Variants in ANO1 observed in about 807,000 individuals in gnomAD.
The protein encoded by ANO1 is anoctamin-1.
Under a neutral mutation model 124.0 loss-of-function variants are expected in ANO1, and 59 were observed. The ratio of observed to expected loss-of-function variants is 0.48; its 90% CI spans 0.39 to 0.59. The LOEUF (loss-of-function observed/expected upper bound fraction) is 0.59, where lower values mean the gene tolerates loss of function less well. Among genes scored for constraint, ANO1 ranks in the 20% least tolerant of loss-of-function variants. The pLI, the probability that ANO1 is intolerant of heterozygous loss-of-function variation, is 0.00. For synonymous variants in ANO1, 529 were observed against 532.0 expected (o/e 0.99, Z 0.08); for missense variants, 1,059 against 1,328.0 (o/e 0.80, Z 3.15).
At chr11:70,184,622 G>T (rs1184952658) in intron 24 of ANO1, among the ~76,000 whole-genome samples, 3 of 152,268 alleles carry the variant, frequency 2.0e-5, no homozygotes, top group Non-Finnish European at 4.4e-5. Context: ...CAGGCCGGCT[G>T]CCTGACACGC....
At chr11:70,012,648 C>T (rs1348824603) in intron 1 of ANO1, among the ~76,000 whole-genome samples, 1 of 151,492 alleles carries the variant, frequency 6.6e-6, no homozygotes, top group Non-Finnish European at 1.5e-5. Flanking sequence ...TCCATTGTTC[C>T]ATCTATCTAT....
At chr11:70,036,618 G>GT (rs1342821643) in intron 1 of ANO1, among the ~76,000 whole-genome samples, 6 of 151,938 alleles carry the variant, frequency 3.9e-5, no homozygotes, top group Admixed American at 6.6e-5. Context: ...GTTTTGTTTT[G>GT]TTTTTTTAAG....
chr11:70,144,922 G>C (rs73530028), intron 11 of ANO1, among the ~76,000 whole-genome samples: 5,802 of 152,310 alleles, frequency 0.038, 366 homozygotes, highest in African/African-American at 0.13. Context: ...TGCGTGGAGG[G>C]GGCCGGGGCA....
chr11:70,089,990 G>GGTTT (rs72163864), intron 2 of ANO1, among the ~76,000 whole-genome samples: 24 of 4,842 alleles, frequency 5.0e-3, no homozygotes, highest in African/African-American at 5.9e-3. Flanking sequence ...TGTTCCCCAG[G>GGTTT]GTTTGTTTGT....
In ANO1 at chr11:70,161,193, C is replaced by A; in HGVS notation, c.1611C>A (p.Val537=). The change falls in exon 17 of 26, where the codon GTC becomes GTA. Residue 537 remains valine (V), a synonymous_variant. Coordinates refer to ENST00000355303, the MANE Select transcript of ANO1 (RefSeq NM_018043.7). ...IAVTFAIVLG[V]IIYRISMAAA... is the part of the protein sequence containing the mutation. The stretch of plus-strand genomic sequence containing the variant: ...TGACGTTTGCCATCGTCCTCGGCGT[C>A]ATCATCTACAGAATCTCCATGGCCG... 1 of 1,613,892 alleles carries A rather than the reference C, an allele frequency of 6.2e-7. No individual in the cohort carries two copies. Among genetic ancestry groups the A allele is most frequent in the Non-Finnish European group, 8.5e-7 (1 of 1,179,824 alleles).
intron 21 of ANO1, among the ~76,000 whole-genome samples, 163 bp from the exon 22 acceptor site, chr11:70,170,724 C>T (rs540417224): frequency 8.5e-4 from 129 of 152,308 alleles, no homozygotes; most frequent in African/African-American, 2.9e-3. Context: ...AGGGTCCATC[C>T]CAAGAGCTCA....
chr11:70,129,650 G>A (rs1486927826), intron 10 of ANO1: 1 of 147,680 alleles, frequency 6.8e-6, no homozygotes, highest in African/African-American at 2.5e-5. Context: ...TTGACACAGA[G>A]TCTCACTCTG....
intron 1 of ANO1, among the ~76,000 whole-genome samples, chr11:70,032,570 C>A (rs1477064749): frequency 6.6e-6 from 1 of 151,496 alleles, no homozygotes; most frequent in African/African-American, 2.4e-5. Flanking sequence ...ATCCGCAGAA[C>A]CCACTGTGAA....
chr11:70,110,682 C>T (rs980926473), intron 6 of ANO1, among the ~76,000 whole-genome samples: 3 of 152,126 alleles, frequency 2.0e-5, no homozygotes, highest in Non-Finnish European at 2.9e-5. Context: ...GAGGGTGGTC[C>T]GCCCAGGCTG....
At chr11:70,175,351 G>T in intron 22 of ANO1, among the ~76,000 whole-genome samples, 1 of 152,362 alleles carries the variant, frequency 6.6e-6, no homozygotes, top group Middle Eastern at 3.4e-3. Flanking sequence ...TTCCTTAACC[G>T]TAACCTTTCC....
chr11:70,147,307 C>T (rs1410887226), intron 11 of ANO1, among the ~76,000 whole-genome samples: 1 of 152,188 alleles, frequency 6.6e-6, no homozygotes, highest in South Asian at 2.1e-4. Context: ...GGCCAAAGGA[C>T]ATCTTCAAGG....
chr11:69,970,903 G>A, the ANO1 span, among the ~76,000 whole-genome samples: 57 of 152,212 alleles, frequency 3.7e-4, no homozygotes, highest in African/African-American at 1.3e-3. Context: ...TCACATATGC[G>A]TTCCAGCCAG....
intron 24 of ANO1, 140 bp downstream of exon 24, chr11:70,182,826 A>G: frequency 1.1e-6 from 1 of 897,384 alleles, no homozygotes; most frequent in Non-Finnish European, 1.6e-6. Flanking sequence ...GAAAAAAAAA[A>G]AGGCTGGTGC....
chr11:70,172,380 AT>A (rs1433196666), intron 22 of ANO1, among the ~76,000 whole-genome samples: 2 of 152,186 alleles, frequency 1.3e-5, no homozygotes, highest in Non-Finnish European at 2.9e-5. Flanking sequence ...TGAAAACAAA[AT>A]TACAAAAATA....
At chr11:69,983,817 T>A (rs1855978373), upstream of ANO1, among the ~76,000 whole-genome samples, 1 of 152,216 alleles carries the variant, frequency 6.6e-6, no homozygotes, top group Non-Finnish European at 1.5e-5. Flanking sequence ...GCAACTTAAT[T>A]GGAGCCAAGA....
At chr11:69,968,602 G>A in the ANO1 span, among the ~76,000 whole-genome samples, 3 of 152,210 alleles carry the variant, frequency 2.0e-5, no homozygotes, top group Non-Finnish European at 2.9e-5. Flanking sequence ...TCGAGGACCC[G>A]TTTCTTCCTC....
chr11:69,972,182 G>T, the ANO1 span, among the ~76,000 whole-genome samples: 1 of 90,092 alleles, frequency 1.1e-5, no homozygotes, highest in Non-Finnish European at 2.1e-5. Flanking sequence ...GCAAGACTCC[G>T]TCTCAAAAAA....
chr11:70,143,544 A>G (rs1330419632), intron 11 of ANO1, among the ~76,000 whole-genome samples: 1 of 152,190 alleles, frequency 6.6e-6, no homozygotes, highest in Non-Finnish European at 1.5e-5. Flanking sequence ...GCCTGCTGGC[A>G]GCCTACGGAG....
At chr11:70,085,620 C>T (rs1218686420) in intron 1 of ANO1, 1 of 1,534,544 alleles carries the variant, frequency 6.5e-7, no homozygotes, top group African/African-American at 1.4e-5. Context: ...CCAACTGTCC[C>T]CTAACCAGGG....
Sources: gnomAD v4.1 joint callset for allele counts (sites outside exome capture counted in the v4.1 genomes callset) on GRCh38, gnomAD v4.1.1 for gene constraint, MANE v1.5 for transcripts, NCBI Gene and HGNC (gene_info 2026-07-23, HGNC 2026-07-21) for gene names.